The following WDFY2 variants were observed in gnomAD, a reference collection of about 807,000 sequenced individuals.
WDFY2 encodes the protein WD repeat and FYVE domain-containing protein 2.
In WDFY2, 36 loss-of-function variants were observed where a neutral mutation model predicts 56.4. That is an observed-to-expected ratio of 0.64 (90% confidence interval 0.49 to 0.84). The LOEUF (loss-of-function observed/expected upper bound fraction) is 0.84. WDFY2 is among the 40% of genes least tolerant of loss of function. The probability of loss-of-function intolerance (pLI) is 0.00; values close to 1 mark genes in which losing one functional copy is unlikely to be tolerated. For synonymous variants in WDFY2, 176 were observed against 183.7 expected (o/e 0.96, Z 0.34); for missense variants, 444 against 512.2 (o/e 0.87, Z 1.29).
intron 1 of WDFY2, among the ~76,000 whole-genome samples, chr13:51,637,282 A>G (rs1459220209): frequency 1.3e-5 from 2 of 152,220 alleles, no homozygotes; most frequent in Admixed American, 6.5e-5. Flanking sequence ...GGGCAATGCA[A>G]TGAGCATTTT....
chr13:51,641,808 A>G (rs535309864), intron 1 of WDFY2, among the ~76,000 whole-genome samples: 244 of 137,060 alleles, frequency 1.8e-3, no homozygotes, highest in Non-Finnish European at 3.0e-3. Flanking sequence ...CCTGGGCGAC[A>G]GAGCGAGACT....
intron 6 of WDFY2, among the ~76,000 whole-genome samples, chr13:51,729,831 A>C (rs75319869): frequency 3.1e-3 from 470 of 152,334 alleles, no homozygotes; most frequent in African/African-American, 0.011. Flanking sequence ...AAATGTATAA[A>C]ACATAAAGTT....
rs1225327108 is a variant in WDFY2 at position 51,758,190 on chromosome 13, A to C, written c.1065-2A>C. The C allele has an allele frequency of 1.9e-6, 3 of 1,568,020 alleles. No individual in the cohort carries two copies. In the Admixed American group the frequency reaches 5.0e-5, roughly 26 times the overall value. On this transcript the variant is annotated splice_acceptor_variant, in intron 10 of 11. Coordinates refer to ENST00000298125, the MANE Select transcript of WDFY2 (RefSeq NM_052950.4). LOFTEE classifies it high-confidence loss of function. Reference sequence around the variant, plus strand: ...CTCAGAAGCTTTCTTTGCTCCTTCTAGACGTGCACCCACAGCCACCTTCCA... The same window carrying C: ...CTCAGAAGCTTTCTTTGCTCCTTCTCGACGTGCACCCACAGCCACCTTCCA...
chr13:51,723,437 T>A (rs886830275), intron 5 of WDFY2, among the ~76,000 whole-genome samples: 5 of 152,202 alleles, frequency 3.3e-5, no homozygotes, highest in Non-Finnish European at 7.3e-5. Flanking sequence ...TTCTAAATCT[T>A]TCTTCATCCA....
intron 1 of WDFY2, among the ~76,000 whole-genome samples, chr13:51,597,011 T>G (rs939434031): frequency 6.6e-6 from 1 of 152,208 alleles, no homozygotes; most frequent in African/African-American, 2.4e-5. Context: ...CTTGAGGCTC[T>G]GGGGGCATGT....
At chr13:51,712,872 A>C (rs1428551596) in intron 4 of WDFY2, among the ~76,000 whole-genome samples, 1 of 152,152 alleles carries the variant, frequency 6.6e-6, no homozygotes, top group East Asian at 1.9e-4. Context: ...AAATTTGAAA[A>C]CTGAAATTTT....
At chr13:51,704,111 A>G (rs1163227093) in intron 4 of WDFY2, among the ~76,000 whole-genome samples, 2 of 152,200 alleles carry the variant, frequency 1.3e-5, no homozygotes, top group Admixed American at 6.5e-5. Flanking sequence ...TTCTTTATTC[A>G]GACTAACAAT....
chr13:51,711,268 C>T (rs565760951), intron 4 of WDFY2, among the ~76,000 whole-genome samples: 331 of 152,308 alleles, frequency 2.2e-3, no homozygotes, highest in African/African-American at 7.4e-3. Flanking sequence ...CCGTTCCTTA[C>T]ACCTTATACA....
At chr13:51,665,555 C>G (rs190034318) in intron 2 of WDFY2, among the ~76,000 whole-genome samples, 229 of 152,310 alleles carry the variant, frequency 1.5e-3, no homozygotes, top group African/African-American at 5.0e-3. Flanking sequence ...TTCATGGGGT[C>G]AGACCTTTGT....
chr13:51,650,809 G>C (rs969191905), intron 1 of WDFY2, among the ~76,000 whole-genome samples: 10 of 152,098 alleles, frequency 6.6e-5, no homozygotes, highest in Non-Finnish European at 1.0e-4. Flanking sequence ...TGCTGGATTC[G>C]GTTTGCCAGT....
chr13:51,609,190 C>G (rs902769187), intron 1 of WDFY2, among the ~76,000 whole-genome samples: 1 of 152,180 alleles, frequency 6.6e-6, no homozygotes, highest in African/African-American at 2.4e-5. Flanking sequence ...AAAGTGAACA[C>G]TCATATAATC....
chr13:51,753,192 G>T (rs139913499), intron 8 of WDFY2: 10 of 152,368 alleles, frequency 6.6e-5, no homozygotes, highest in African/African-American at 2.4e-4. Context: ...GGCTTTGCAG[G>T]CCACGAAACA....
chr13:51,653,546 T>G (rs924327113), intron 1 of WDFY2, among the ~76,000 whole-genome samples: 3 of 152,182 alleles, frequency 2.0e-5, no homozygotes, highest in Non-Finnish European at 2.9e-5. Context: ...TCTACCTTTG[T>G]TCTTTGATGA....
At chr13:51,641,064 T>C (rs1955145545) in intron 1 of WDFY2, among the ~76,000 whole-genome samples, 1 of 152,150 alleles carries the variant, frequency 6.6e-6, no homozygotes, top group African/African-American at 2.4e-5. Flanking sequence ...ATCTTATTCA[T>C]GGAGCATTTA....
At chr13:51,744,784 C>G (rs1004445113) in intron 7 of WDFY2, among the ~76,000 whole-genome samples, 1 of 152,232 alleles carries the variant, frequency 6.6e-6, no homozygotes, top group Non-Finnish European at 1.5e-5. Flanking sequence ...AGTATAAACG[C>G]TACAGTGATG....
In WDFY2 at chr13:51,703,629, A is replaced by G. The variant is rs902689804; in HGVS notation, c.313A>G (p.Thr105Ala). The G allele has an allele frequency of 1.2e-6, 2 of 1,609,048 alleles. No individual in the cohort carries two copies. The highest frequency in any genetic ancestry group is 2.7e-5 in the African/African-American group (2 of 74,548). The change falls in exon 4 of 12, where the codon ACT becomes GCT. Residue 105 changes from threonine (T) to alanine (A), a missense_variant. Transcript: ENST00000298125. ...FILSEDYNKM[T>A]PVKNYQAHQS... ...ATTGTCAGAAGATTATAACAAGATG[A>G]CTCCTGTGAAAAACTATCAAGGTAG...
chr13:51,634,861 G>A (rs1955015935), intron 1 of WDFY2, among the ~76,000 whole-genome samples: 1 of 152,300 alleles, frequency 6.6e-6, no homozygotes, highest in Admixed American at 6.5e-5. Flanking sequence ...ATAGGTCAGA[G>A]TTGGAGTAGA....
chr13:51,610,530 T>C (rs1237725976), intron 1 of WDFY2, among the ~76,000 whole-genome samples: 1 of 152,200 alleles, frequency 6.6e-6, no homozygotes, highest in East Asian at 1.9e-4. Flanking sequence ...TAAGTTGTAT[T>C]ACTCTAAGGT....
At chr13:51,617,434 G>A (rs901638552) in intron 1 of WDFY2, among the ~76,000 whole-genome samples, 2 of 151,934 alleles carry the variant, frequency 1.3e-5, no homozygotes, top group Admixed American at 6.6e-5. Context: ...CTGCCTCCTG[G>A]GTTCAAGCGA....
Sources: gnomAD v4.1 joint callset for allele counts (sites outside exome capture counted in the v4.1 genomes callset) on GRCh38, gnomAD v4.1.1 for gene constraint, MANE v1.5 for transcripts, NCBI Gene and HGNC (gene_info 2026-07-23, HGNC 2026-07-21) for gene names.